SVOPL: variants seen among roughly 807,000 people sequenced by gnomAD.
SVOPL encodes putative transporter SVOPL.
SVOPL carries 60 observed loss-of-function variants against 61.0 expected under a neutral mutation model. That is an observed-to-expected ratio of 0.98 (90% CI 0.80 to 1.22). SVOPL has a LOEUF of 1.22. SVOPL is among the 50% of genes most tolerant of loss of function. The probability of loss-of-function intolerance (pLI) is 0.00; values close to 1 mark genes in which losing one functional copy is unlikely to be tolerated. For missense variants in SVOPL, 662 were observed against 643.9 expected, an observed-to-expected ratio of 1.03 and a Z score of -0.30; for synonymous variants, 279 against 250.0, an observed-to-expected ratio of 1.12 and a Z score of -1.09.
intron 1 of SVOPL, among the ~76,000 whole-genome samples, chr7:138,683,317 G>T (rs2117128613): frequency 6.6e-6 from 1 of 152,176 alleles, no homozygotes; most frequent in South Asian, 2.1e-4. Flanking sequence ...TACTACTTTT[G>T]AGTATGTGTA....
Position 138,700,540 on chromosome 7 carries a change from C to T in SVOPL, c.-35+638G>A, listed in dbSNP as rs1803169113. Among the ~76,000 whole-genome samples the T allele has an allele frequency of 3.3e-5, 5 of 152,002 alleles. No homozygotes were observed. In the South Asian group the frequency reaches 1.0e-3, roughly 32 times the overall value. On this transcript the variant is annotated intron_variant, in intron 1 of 15. Coordinates refer to ENST00000674285, the MANE Select transcript of SVOPL (RefSeq NM_001139456.2). ...ATTTTTAGTAGAGACGGGGTTTCACCATCTTGGTCAGGCTGGTCTTGAACT... is the reference window on the plus strand; with the variant it reads ...ATTTTTAGTAGAGACGGGGTTTCACTATCTTGGTCAGGCTGGTCTTGAACT...
chr7:138,596,227 T>C (rs1798273116), intron 15 of SVOPL, among the ~76,000 whole-genome samples, 190 bp downstream of exon 15: 1 of 148,308 alleles, frequency 6.7e-6, no homozygotes, highest in Admixed American at 6.8e-5. Context: ...GTGGGAAGGA[T>C]AGAATCCTCA....
intron 4 of SVOPL, among the ~76,000 whole-genome samples, chr7:138,667,148 G>C (rs2045395): frequency 6.6e-6 from 1 of 152,040 alleles, no homozygotes; most frequent in Non-Finnish European, 1.5e-5. Flanking sequence ...AAAACATCTC[G>C]GGACTCCTAA....
At chr7:138,603,651 G>T (rs139548860) in intron 14 of SVOPL, among the ~76,000 whole-genome samples, 4 of 152,162 alleles carry the variant, frequency 2.6e-5, no homozygotes, top group Admixed American at 1.3e-4. Flanking sequence ...CAGCCTGGGC[G>T]ACAGAGTGAG....
chr7:138,681,653 G>A lies in SVOPL; in HGVS notation c.-34-2574C>T, dbSNP rs532088233. Among the ~76,000 whole-genome samples, 12 of 152,104 alleles carry A rather than the reference G, an allele frequency of 7.9e-5. No individual in the cohort carries two copies. The South Asian group carries it at 8.3e-4, about 11-fold the overall frequency. On this transcript the variant is annotated intron_variant, in intron 1 of 15. Coordinates refer to ENST00000674285, the MANE Select transcript of SVOPL (RefSeq NM_001139456.2). ...AGTCTGGCCAACACAGCAAAACCCC[G>A]TCTCTACTAGAAATGGAAAATTAGC...
At chr7:138,622,270 G>GTATCTATCTATCTATCTATC (rs1224085695) in intron 13 of SVOPL, among the ~76,000 whole-genome samples, 4 of 83,796 alleles carry the variant, frequency 4.8e-5, no homozygotes, top group South Asian at 4.2e-4. Flanking sequence ...ATCTATCTAT[G>GTATCTATCTATCTATCTATC]TATCTATCTA....
chr7:138,611,906 T>A (rs1343661204), intron 14 of SVOPL, among the ~76,000 whole-genome samples: 1 of 56,158 alleles, frequency 1.8e-5, no homozygotes. Flanking sequence ...GCCCAACAGC[T>A]CATTGAGAAC....
At chr7:138,649,735 G>A (rs942019755) in intron 7 of SVOPL, among the ~76,000 whole-genome samples, 16 of 152,292 alleles carry the variant, frequency 1.1e-4, no homozygotes, top group Admixed American at 1.0e-3. Context: ...TTGCTAAAGA[G>A]GCAATGAATA....
chr7:138,602,717 CA>C (rs35640638), intron 14 of SVOPL, among the ~76,000 whole-genome samples: 111,525 of 151,792 alleles, frequency 0.73, 42,037 homozygotes, highest in African/African-American at 0.92. Flanking sequence ...TAGGCACCCT[CA>C]ACCCCATTTC....
intron 14 of SVOPL, 80 bp from the exon 15 acceptor site, chr7:138,596,610 A>G (rs1659832): frequency 0.72 from 1,091,714 of 1,521,336 alleles, 396,504 homozygotes; most frequent in African/African-American, 0.89. Flanking sequence ...GAGAAAATAC[A>G]GATTCACTTC....
At chr7:138,669,433 A>C (rs982765705) in intron 4 of SVOPL, among the ~76,000 whole-genome samples, 4 of 152,192 alleles carry the variant, frequency 2.6e-5, no homozygotes, top group Admixed American at 6.5e-5. Context: ...ATGACAACAA[A>C]AAAAAAGGGA....
chr7:138,648,680 C>T (rs573859382), intron 8 of SVOPL, among the ~76,000 whole-genome samples: 2 of 151,982 alleles, frequency 1.3e-5, no homozygotes, highest in Admixed American at 6.6e-5. Context: ...TGCACTCCAG[C>T]CTGGGGGACG....
intron 1 of SVOPL, chr7:138,689,259 A>G: frequency 6.4e-7 from 1 of 1,569,568 alleles, no homozygotes; most frequent in South Asian, 1.1e-5. Context: ...TTTGCTGCAC[A>G]TGGTTAAAAA....
At chr7:138,650,539 G>A (rs1215238954) in intron 7 of SVOPL, among the ~76,000 whole-genome samples, 5 of 151,172 alleles carry the variant, frequency 3.3e-5, no homozygotes, top group Admixed American at 2.0e-4. Context: ...GGCCAGTGCG[G>A]TGGCTCATGC....
chr7:138,673,483 C>A (rs191953326), intron 3 of SVOPL, among the ~76,000 whole-genome samples: 5 of 152,030 alleles, frequency 3.3e-5, no homozygotes, highest in Admixed American at 1.3e-4. Context: ...ATGGCAAAAC[C>A]CCATCGCTGC....
At chr7:138,672,176 A>T (rs529812451) in intron 3 of SVOPL, 59 bp from the exon 4 acceptor site, 1 of 1,473,674 alleles carries the variant, frequency 6.8e-7, no homozygotes, top group African/African-American at 1.4e-5. Flanking sequence ...ACTTCTTCTC[A>T]TATCTGCCTG....
At chr7:138,689,024 C>T in intron 1 of SVOPL, 1 of 691,134 alleles carries the variant, frequency 1.4e-6, no homozygotes, top group East Asian at 3.2e-5. Flanking sequence ...CAAAATCATG[C>T]AAATCAAGAC....
intron 1 of SVOPL, among the ~76,000 whole-genome samples, chr7:138,686,730 A>G (rs1346732318): frequency 6.6e-6 from 1 of 151,464 alleles, no homozygotes; most frequent in Admixed American, 6.6e-5. Flanking sequence ...ACGCCCGGCT[A>G]ATTTTGTATT....
At chr7:138,667,085 A>G (rs1369920778) in intron 4 of SVOPL, among the ~76,000 whole-genome samples, 1 of 152,230 alleles carries the variant, frequency 6.6e-6, no homozygotes, top group African/African-American at 2.4e-5. Flanking sequence ...TCCAAAGTTA[A>G]TAAGAGGAGT....
Sources: gnomAD v4.1 joint callset for allele counts (sites outside exome capture counted in the v4.1 genomes callset) on GRCh38, gnomAD v4.1.1 for gene constraint, MANE v1.5 for transcripts, NCBI Gene and HGNC (gene_info 2026-07-23, HGNC 2026-07-21) for gene names.